The following GALNT13 variants were observed in gnomAD, a reference collection of about 807,000 sequenced individuals.
GALNT13 encodes UDP-GalNAc:polypeptide N-acetylgalactosaminyltransferase 13.
GALNT13 carries 28 observed loss-of-function variants against 64.2 expected under a neutral mutation model. The observed-to-expected ratio is 0.44, with a 90% confidence interval of 0.32 to 0.60. The LOEUF (loss-of-function observed/expected upper bound fraction) is 0.60. Ranked by LOEUF, GALNT13 falls within the 20% of genes least tolerant of loss-of-function variation. The pLI is 0.05. For synonymous variants in GALNT13, 214 were observed against 224.6 expected, an observed-to-expected ratio of 0.95 and a Z score of 0.42; for missense variants, 577 against 669.8, an observed-to-expected ratio of 0.86 and a Z score of 1.53.
At chr2:153,817,760 T>G in the GALNT13 span, among the ~76,000 whole-genome samples, 1 of 152,220 alleles carries the variant, frequency 6.6e-6, no homozygotes, top group Non-Finnish European at 1.5e-5. Context: ...CATAAAATTT[T>G]GTACATAAAT....
chr2:153,224,748 G>C, the GALNT13 span, among the ~76,000 whole-genome samples: 1 of 152,136 alleles, frequency 6.6e-6, no homozygotes, highest in Non-Finnish European at 1.5e-5. Flanking sequence ...TGATAACTTA[G>C]ATGAAATGAA....
chr2:153,088,234 A>C, the GALNT13 span, among the ~76,000 whole-genome samples: 2 of 151,804 alleles, frequency 1.3e-5, no homozygotes, highest in Non-Finnish European at 2.9e-5. Context: ...AAGATCATTC[A>C]AGAGCAGATT....
rs113684465 is a variant in GALNT13, at chr2:154,402,689, T to C, written c.1297-6295T>C. 7.6e-3 allele frequency among the ~76,000 whole-genome samples: 1,151 copies of C among 152,308 alleles called. 17 individuals carry two copies. The highest frequency in any genetic ancestry group is 0.026 in the African/African-American group (1,081 of 41,574). On this transcript the variant is annotated intron_variant, in intron 10 of 12. Transcript: ENST00000392825. ...AAGAATTTTTAATGGATAAAGTTCT[T>C]TAGTTGTTGGTTGCTTTGATTTTTC...
chr2:153,264,446 C>T, the GALNT13 span, among the ~76,000 whole-genome samples: 3 of 152,080 alleles, frequency 2.0e-5, no homozygotes, highest in Admixed American at 1.3e-4. Context: ...GGTATATACC[C>T]AAAGGAATAT....
intron 3 of GALNT13, among the ~76,000 whole-genome samples, chr2:154,029,802 G>C (rs756706144): frequency 3.3e-5 from 5 of 152,070 alleles, no homozygotes; most frequent in Admixed American, 6.6e-5. Flanking sequence ...GACTCAAATG[G>C]AAAAAGTGAA....
At chr2:154,312,847 G>C (rs572878582) in intron 9 of GALNT13, among the ~76,000 whole-genome samples, 3 of 152,208 alleles carry the variant, frequency 2.0e-5, no homozygotes, top group African/African-American at 7.2e-5. Flanking sequence ...CTTATGAAAA[G>C]GGGCTTTGTT....
chr2:153,315,458 G>T, the GALNT13 span, among the ~76,000 whole-genome samples: 4 of 152,152 alleles, frequency 2.6e-5, no homozygotes, highest in Non-Finnish European at 1.5e-5. Context: ...TTAACCATAT[G>T]AATTTTGGGA....
At chr2:153,773,321 C>G in the GALNT13 span, among the ~76,000 whole-genome samples, 3 of 152,210 alleles carry the variant, frequency 2.0e-5, no homozygotes, top group Admixed American at 1.3e-4. Context: ...CCCAGTGTAA[C>G]AGAACTAGTT....
At chr2:153,533,723 C>CTTTTTTTTGTTTTTTTTTTTTTTTTTTTT in the GALNT13 span, among the ~76,000 whole-genome samples, 1 of 48,730 alleles carries the variant, frequency 2.1e-5, no homozygotes, top group Non-Finnish European at 3.6e-5. Context: ...TGAGGTTTTT[C>CTTTTTTTTGTTTTTTTTTTTTTTTTTTTT]TTTTTTTTTT....
At chr2:153,652,402 C>T in the GALNT13 span, among the ~76,000 whole-genome samples, 1 of 152,022 alleles carries the variant, frequency 6.6e-6, no homozygotes, top group African/African-American at 2.4e-5. Flanking sequence ...GGGAGGATCA[C>T]CTGAGGTCAG....
At chr2:154,253,910 A>T (rs1690224367) in intron 7 of GALNT13, among the ~76,000 whole-genome samples, 1 of 152,182 alleles carries the variant, frequency 6.6e-6, no homozygotes, top group African/African-American at 2.4e-5. Flanking sequence ...GGGTATGCTT[A>T]TAGAAGTGGT....
At position 154,092,828 on chromosome 2, in the gene GALNT13, C is replaced by T. The variant is rs150576966; in HGVS notation, c.143-47509C>T. ...CTTGTGAAGTAAGAGGCATGAAGTA[C>T]GACTACAGGGAATATTGTGGGGTGC... On this transcript the variant is annotated intron_variant, in intron 3 of 12. Coordinates refer to ENST00000392825, the MANE Select transcript of GALNT13 (RefSeq NM_052917.4). Among the ~76,000 whole-genome samples the T allele has an allele frequency of 3.9e-3, 598 of 151,966 alleles. 6 individuals carry two copies. The highest frequency in any genetic ancestry group is 5.9e-3 in the Non-Finnish European group (404 of 67,932).
chr2:154,230,047 G>A (rs1688834371), intron 4 of GALNT13, among the ~76,000 whole-genome samples: 1 of 152,072 alleles, frequency 6.6e-6, no homozygotes, highest in African/African-American at 2.4e-5. Flanking sequence ...CATGATGTCA[G>A]CATCACCATT....
chr2:153,411,824 A>G, the GALNT13 span, among the ~76,000 whole-genome samples: 2 of 152,170 alleles, frequency 1.3e-5, no homozygotes, highest in African/African-American at 4.8e-5. Context: ...AATTCATCCA[A>G]TTGTGATGGT....
intron 10 of GALNT13, among the ~76,000 whole-genome samples, chr2:154,401,724 G>A (rs942890096): frequency 2.6e-5 from 4 of 152,034 alleles, no homozygotes; most frequent in Non-Finnish European, 5.9e-5. Flanking sequence ...ATTCTCTCAG[G>A]ATTTTGGTTG....
chr2:154,206,018 G>A, intron 4 of GALNT13, among the ~76,000 whole-genome samples: 1 of 151,474 alleles, frequency 6.6e-6, no homozygotes, highest in East Asian at 1.9e-4. Flanking sequence ...ATTATTTTAA[G>A]ATAGAGTCTG....
chr2:153,942,691 T>TTATA (rs10642626), intron 2 of GALNT13, among the ~76,000 whole-genome samples: 8,115 of 150,382 alleles, frequency 0.054, 390 homozygotes, highest in East Asian at 0.13. Context: ...TATCTCTCCA[T>TTATA]TATATATATA....
the GALNT13 span, among the ~76,000 whole-genome samples, chr2:153,085,912 A>G: frequency 6.6e-6 from 1 of 152,198 alleles, no homozygotes; most frequent in Admixed American, 6.5e-5. Flanking sequence ...AGCAGACAGG[A>G]GGGAGGCTGT....
At chr2:153,406,422 G>T in the GALNT13 span, among the ~76,000 whole-genome samples, 3,412 of 151,044 alleles carry the variant, frequency 0.023, 122 homozygotes, top group African/African-American at 0.077. Flanking sequence ...TTTCTTTTGT[G>T]GGGGGCACTG....
Sources: gnomAD v4.1 joint callset for allele counts (sites outside exome capture counted in the v4.1 genomes callset) on GRCh38, gnomAD v4.1.1 for gene constraint, MANE v1.5 for transcripts, NCBI Gene and HGNC (gene_info 2026-07-23, HGNC 2026-07-21) for gene names.